Variants in CPA6 observed in about 807,000 individuals in gnomAD.
CPA6 encodes carboxypeptidase B.
CPA6 carries 58 observed loss-of-function variants against 63.3 expected under a neutral mutation model. The ratio of observed to expected loss-of-function variants is 0.92; its 90% confidence interval spans 0.74 to 1.14. The LOEUF is 1.14. Ranked by LOEUF, CPA6 falls within the 50% of genes most tolerant of loss-of-function variation. The pLI, the probability that CPA6 is intolerant of heterozygous loss-of-function variation, is 0.00. For missense variants in CPA6, 565 were observed against 526.6 expected (o/e 1.07, Z -0.71); for synonymous variants, 185 against 179.0 (o/e 1.03, Z -0.27).
intron 1 of CPA6, among the ~76,000 whole-genome samples, chr8:67,742,842 T>A (rs962706929): frequency 6.6e-6 from 1 of 152,176 alleles, no homozygotes; most frequent in Admixed American, 6.5e-5. Flanking sequence ...ACTCAATAAG[T>A]AGTTTTCAAA....
At chr8:67,577,976 G>T (rs1425894983) in intron 2 of CPA6, among the ~76,000 whole-genome samples, 1 of 152,142 alleles carries the variant, frequency 6.6e-6, no homozygotes, top group East Asian at 1.9e-4. Flanking sequence ...TGTCTATAAA[G>T]AACCAAACAT....
At chr8:67,643,367 G>C (rs974920836) in intron 1 of CPA6, among the ~76,000 whole-genome samples, 3 of 152,088 alleles carry the variant, frequency 2.0e-5, no homozygotes, top group African/African-American at 7.2e-5. Context: ...CCAAAAAATG[G>C]AATACTATAT....
intron 1 of CPA6, among the ~76,000 whole-genome samples, chr8:67,664,471 G>A (rs560953235): frequency 2.0e-5 from 3 of 152,292 alleles, no homozygotes; most frequent in South Asian, 2.1e-4. Context: ...CCCAAATGTA[G>A]CAATACAGAG....
At chr8:67,688,643 A>G (rs1230677450) in intron 1 of CPA6, among the ~76,000 whole-genome samples, 1 of 152,144 alleles carries the variant, frequency 6.6e-6, no homozygotes, top group African/African-American at 2.4e-5. Context: ...AGAATGCCCC[A>G]ATCTTAAAGT....
chr8:67,582,520 G>A (rs192229085), intron 2 of CPA6, among the ~76,000 whole-genome samples: 134 of 152,358 alleles, frequency 8.8e-4, no homozygotes, highest in African/African-American at 3.0e-3. Context: ...AGAGAAGGCA[G>A]TTGAGGTGTC....
intron 1 of CPA6, among the ~76,000 whole-genome samples, chr8:67,693,006 A>T (rs1311002166): frequency 1.3e-5 from 2 of 152,210 alleles, no homozygotes; most frequent in Admixed American, 6.5e-5. Context: ...ACCTGAACAA[A>T]AATTCCAACG....
chr8:67,675,652 C>T (rs1031800545), intron 1 of CPA6, among the ~76,000 whole-genome samples: 4 of 152,146 alleles, frequency 2.6e-5, no homozygotes, highest in Non-Finnish European at 5.9e-5. Context: ...ACTGGAATGA[C>T]ATTATCACAA....
intron 8 of CPA6, among the ~76,000 whole-genome samples, chr8:67,475,871 CT>C (rs1158508740): frequency 1.5e-3 from 116 of 79,842 alleles, no homozygotes; most frequent in East Asian, 3.9e-3. Context: ...TTCTTTCTTT[CT>C]TTCTTTCTCC....
rs537837320 is a variant in CPA6 at position 67,661,789 on chromosome 8, C to A, written c.117-37538G>T. On this transcript the variant is annotated intron_variant, in intron 1 of 10. Transcript: ENST00000297770. ...CATTCCCCTTCTTCCCAGGCCCTGG[C>A]AACCACTATTCTACTGTCTGTCTCT... Among the ~76,000 whole-genome samples, 8 of 152,312 alleles carry A rather than the reference C, an allele frequency of 5.3e-5. No individual in the cohort carries two copies. The South Asian group carries it at 1.7e-3, about 32-fold the overall frequency.
chr8:67,491,886 A>T (rs1196093099), intron 6 of CPA6, among the ~76,000 whole-genome samples: 1 of 152,218 alleles, frequency 6.6e-6, no homozygotes, highest in Non-Finnish European at 1.5e-5. Context: ...GATCGATTCT[A>T]CTATTTCTTT....
chr8:67,489,607 T>C (rs1811561938), intron 6 of CPA6, among the ~76,000 whole-genome samples: 1 of 152,220 alleles, frequency 6.6e-6, no homozygotes, highest in Non-Finnish European at 1.5e-5. Context: ...CTTTGTGGAC[T>C]AGAATATAAT....
chr8:67,737,224 G>T (rs1442553134), intron 1 of CPA6, among the ~76,000 whole-genome samples: 1 of 152,086 alleles, frequency 6.6e-6, no homozygotes, highest in African/African-American at 2.4e-5. Flanking sequence ...AGAGAAAGAT[G>T]CCTTCTGTTA....
At chr8:67,737,451 T>G (rs200166549) in intron 1 of CPA6, among the ~76,000 whole-genome samples, 1 of 152,076 alleles carries the variant, frequency 6.6e-6, no homozygotes, top group African/African-American at 2.4e-5. Context: ...TGTGTTTTTT[T>G]TCCCCCCTTT....
chr8:67,571,878 A>G (rs1813494456), intron 2 of CPA6, among the ~76,000 whole-genome samples: 2 of 152,178 alleles, frequency 1.3e-5, no homozygotes, highest in South Asian at 4.1e-4. Flanking sequence ...AATATGGAAG[A>G]TTGATTAAAC....
intron 2 of CPA6, among the ~76,000 whole-genome samples, chr8:67,607,463 T>C (rs759519150): frequency 2.6e-5 from 4 of 151,868 alleles, no homozygotes; most frequent in Non-Finnish European, 5.9e-5. Flanking sequence ...AAACCATCTT[T>C]AGTCTTTTTT....
At chr8:67,544,265 G>A (rs1301258749) in intron 2 of CPA6, among the ~76,000 whole-genome samples, 8 of 152,234 alleles carry the variant, frequency 5.3e-5, no homozygotes, top group African/African-American at 1.9e-4. Context: ...CTAATCCTAA[G>A]AGCAGAAATG....
chr8:67,583,803 G>C (rs909806952), intron 2 of CPA6, among the ~76,000 whole-genome samples: 1 of 152,094 alleles, frequency 6.6e-6, no homozygotes, highest in Non-Finnish European at 1.5e-5. Flanking sequence ...TCCTATTAGT[G>C]CACAAAGAAA....
intron 1 of CPA6, among the ~76,000 whole-genome samples, chr8:67,712,251 A>G (rs1273902509): frequency 6.6e-6 from 1 of 152,122 alleles, no homozygotes; most frequent in Non-Finnish European, 1.5e-5. Flanking sequence ...CTACAACCTT[A>G]TGCCTTGGAG....
chr8:67,589,868 G>C (rs1486112113), intron 2 of CPA6, among the ~76,000 whole-genome samples: 1 of 151,326 alleles, frequency 6.6e-6, no homozygotes, highest in Non-Finnish European at 1.5e-5. Context: ...ACTCTGTGTA[G>C]TGTTGTTTTT....
Sources: allele counts gnomAD v4.1 joint callset (sites outside exome capture counted in the v4.1 genomes callset), GRCh38; gene constraint gnomAD v4.1.1; transcripts MANE v1.5; gene names NCBI Gene and HGNC (gene_info 2026-07-23, HGNC 2026-07-21).